KCND2: variants seen among roughly 807,000 people sequenced by gnomAD.
KCND2 encodes the protein potassium voltage-gated channel subfamily D member 2, also known as A-type voltage-gated potassium channel KCND2.
KCND2 carries 16 observed loss-of-function variants against 54.4 expected under a neutral mutation model. The ratio of observed to expected loss-of-function variants is 0.29; its 90% confidence interval spans 0.20 to 0.45. KCND2 has a LOEUF of 0.45. Ranked by LOEUF, KCND2 falls within the 20% of genes least tolerant of loss-of-function variation. The probability of loss-of-function intolerance (pLI) is 1.00; values close to 1 mark genes in which losing one functional copy is unlikely to be tolerated. For missense variants in KCND2, 486 were observed against 824.2 expected (o/e 0.59, Z 5.02); for synonymous variants, 317 against 310.7 (o/e 1.02, Z -0.21).
intron 1 of KCND2, among the ~76,000 whole-genome samples, chr7:120,712,413 G>C (rs1485782523): frequency 6.6e-6 from 1 of 150,564 alleles, no homozygotes; most frequent in Non-Finnish European, 1.5e-5. Flanking sequence ...ATAGGTGCCC[G>C]CTACCACGCC....
intron 1 of KCND2, among the ~76,000 whole-genome samples, chr7:120,650,154 T>C (rs1791711389): frequency 6.7e-6 from 1 of 148,662 alleles, no homozygotes; most frequent in Admixed American, 6.6e-5. Context: ...TGAATTTGAA[T>C]GTTGGCTTGC....
At chr7:120,329,894 G>C (rs1800037612) in intron 1 of KCND2, among the ~76,000 whole-genome samples, 1 of 152,018 alleles carries the variant, frequency 6.6e-6, no homozygotes, top group Non-Finnish European at 1.5e-5. Flanking sequence ...AATTTGTCCA[G>C]GACTCATGTT....
At chr7:120,462,895 A>G (rs1802304154) in intron 1 of KCND2, among the ~76,000 whole-genome samples, 2 of 152,050 alleles carry the variant, frequency 1.3e-5, no homozygotes, top group Non-Finnish European at 2.9e-5. Flanking sequence ...AAAGCAAATA[A>G]CAGAATACTA....
At chr7:120,679,259 T>A (rs1238332263) in intron 1 of KCND2, among the ~76,000 whole-genome samples, 1 of 152,000 alleles carries the variant, frequency 6.6e-6, no homozygotes, top group Non-Finnish European at 1.5e-5. Flanking sequence ...TGTTTCTGCT[T>A]CTATATGCTA....
chr7:120,623,298 A>G (rs1230854512), intron 1 of KCND2, among the ~76,000 whole-genome samples: 1 of 152,206 alleles, frequency 6.6e-6, no homozygotes, highest in African/African-American at 2.4e-5. Context: ...TGGCATTAAT[A>G]GTTCAATCAT....
intron 1 of KCND2, among the ~76,000 whole-genome samples, chr7:120,677,282 C>T (rs937600401): frequency 3.3e-5 from 5 of 152,200 alleles, no homozygotes; most frequent in South Asian, 2.1e-4. Flanking sequence ...TGACTTACAT[C>T]GGGGTTCTTT....
chr7:120,276,509 A>G (rs1367097119), intron 1 of KCND2, among the ~76,000 whole-genome samples: 7 of 152,150 alleles, frequency 4.6e-5, no homozygotes, highest in Non-Finnish European at 8.8e-5. Flanking sequence ...GTCCACACCC[A>G]TTAAATACAC....
chr7:120,522,795 G>A (rs1469943629), intron 1 of KCND2, among the ~76,000 whole-genome samples: 1 of 152,112 alleles, frequency 6.6e-6, no homozygotes, highest in Non-Finnish European at 1.5e-5. Flanking sequence ...CTATGTTTCT[G>A]AAATGTGGTA....
intron 1 of KCND2, among the ~76,000 whole-genome samples, chr7:120,440,291 G>T (rs1801929254): frequency 6.6e-6 from 1 of 151,664 alleles, no homozygotes; most frequent in South Asian, 2.1e-4. Flanking sequence ...TATCTTCTTT[G>T]GATAAAAGTT....
intron 1 of KCND2, among the ~76,000 whole-genome samples, chr7:120,279,936 G>C (rs1225242763): frequency 6.6e-6 from 1 of 151,890 alleles, no homozygotes; most frequent in Non-Finnish European, 1.5e-5. Context: ...AATGATGGGA[G>C]TATATCTTGC....
In KCND2 at chr7:120,748,833, C is replaced by G. The variant is rs1793038227; in HGVS notation, c.*975C>G. The G allele has an allele frequency of 6.6e-6, 1 of 151,880 alleles. No individual in the cohort carries two copies. Among genetic ancestry groups the G allele is most frequent in the African/African-American group, 2.4e-5 (1 of 41,408 alleles). The allele number at this position is 151,880 out of a possible 1,614,324, so 9.4% of individuals were successfully genotyped here. ...TATCTGTTCTTGTATTTCTATAGCA[C>G]CTCTCTATTGGGTTTATCATCATCA... is the stretch of plus-strand genomic sequence containing the variant. On this transcript the variant is annotated 3_prime_UTR_variant, in exon 6 of 6. Transcript: ENST00000331113.
At chr7:120,541,399 AT>A (rs139782427) in intron 1 of KCND2, among the ~76,000 whole-genome samples, 23,061 of 151,492 alleles carry the variant, frequency 0.15, 3,388 homozygotes, top group African/African-American at 0.39. Context: ...AGGAGATGAA[AT>A]TTTTTTTTCC....
intron 1 of KCND2, among the ~76,000 whole-genome samples, chr7:120,300,016 T>C (rs1358319325): frequency 6.6e-6 from 1 of 152,182 alleles, no homozygotes; most frequent in Non-Finnish European, 1.5e-5. Context: ...TAGCCAGAGC[T>C]CTGCCAATAA....
At chr7:120,365,235 C>G (rs1435038272) in intron 1 of KCND2, among the ~76,000 whole-genome samples, 35 of 70,424 alleles carry the variant, frequency 5.0e-4, no homozygotes, top group African/African-American at 1.8e-3. Context: ...GGGAGGGAGG[C>G]AGGGAGGGAG....
intron 1 of KCND2, among the ~76,000 whole-genome samples, chr7:120,697,226 T>C (rs926222756): frequency 1.3e-5 from 2 of 152,216 alleles, no homozygotes; most frequent in Admixed American, 6.5e-5. Context: ...GGATAACTTT[T>C]TATACTGCAA....
At chr7:120,577,911 A>T (rs1262289289) in intron 1 of KCND2, among the ~76,000 whole-genome samples, 1 of 152,062 alleles carries the variant, frequency 6.6e-6, no homozygotes, top group Non-Finnish European at 1.5e-5. Flanking sequence ...AAGAAAAAAT[A>T]CATTTTTGGC....
intron 1 of KCND2, among the ~76,000 whole-genome samples, chr7:120,403,870 A>G (rs1237726329): frequency 1.3e-5 from 2 of 152,134 alleles, no homozygotes; most frequent in South Asian, 4.1e-4. Flanking sequence ...GCCTATAAAA[A>G]AAATTAAAAT....
intron 1 of KCND2, among the ~76,000 whole-genome samples, chr7:120,503,249 A>C (rs1802962867): frequency 6.6e-6 from 1 of 152,140 alleles, no homozygotes; most frequent in African/African-American, 2.4e-5. Context: ...ACAGTTTTCC[A>C]TTTTATTTAT....
At chr7:120,273,090 T>C (rs1300217425), upstream of KCND2, among the ~76,000 whole-genome samples, 1 of 151,410 alleles carries the variant, frequency 6.6e-6, no homozygotes, top group Admixed American at 6.6e-5. Flanking sequence ...CCGGGGTTGG[T>C]GGGTGGCTGG....
Sources: gnomAD v4.1 joint callset for allele counts (sites outside exome capture counted in the v4.1 genomes callset) on GRCh38, gnomAD v4.1.1 for gene constraint, MANE v1.5 for transcripts, NCBI Gene and HGNC (gene_info 2026-07-23, HGNC 2026-07-21) for gene names.